Variants in PIEZO1 observed in about 807,000 individuals in gnomAD.
PIEZO1 encodes piezo-type mechanosensitive ion channel component 1.
PIEZO1 carries 296 observed loss-of-function variants against 297.2 expected under a neutral mutation model. That is an observed-to-expected ratio of 1.00 (90% CI 0.91 to 1.10). The LOEUF is 1.10. PIEZO1 is among the 50% of genes least tolerant of loss of function. PIEZO1 has a pLI of 0.00. For synonymous variants in PIEZO1, 2,427 were observed against 1,507.5 expected (o/e 1.61, Z -14.13); for missense variants, 5,018 against 3,455.5 (o/e 1.45, Z -11.34).
At chr16:88,761,224 C>T (rs1906919252) in intron 1 of PIEZO1, among the ~76,000 whole-genome samples, 1 of 152,248 alleles carries the variant, frequency 6.6e-6, no homozygotes, top group Non-Finnish European at 1.5e-5. Flanking sequence ...CTGCAGGCAT[C>T]AGCCCCTGGG....
intron 36 of PIEZO1, 40 bp downstream of exon 36, chr16:88,722,178 G>A (rs1374478359): frequency 7.2e-6 from 11 of 1,533,072 alleles, no homozygotes; most frequent in Admixed American, 2.0e-5. Context: ...GCTCCCCGAG[G>A]GCCATGGTGA....
Position 88,727,648 on chromosome 16 carries a change from G to C in PIEZO1, c.3210C>G (p.Arg1070=). 6.8e-7 allele frequency: 1 copy of C among 1,479,230 alleles called. No homozygotes were observed. The highest frequency in any genetic ancestry group is 9.1e-7 in the Non-Finnish European group (1 of 1,103,444). The allele number at this position is 1,479,230 out of a possible 1,614,324, so 91.6% of individuals were successfully genotyped here. ...PPALCIDYPW[R]WSRAVPMNSA... is the part of the protein sequence containing the mutation. ...AGTTCATGGGGACGGCCCGGCTCCA[G>C]CGCCAGGGATAATCTGGGGGAAGGG... The change falls in exon 23 of 51, where the codon CGC becomes CGG. Residue 1070 remains arginine (R), a synonymous_variant. Transcript: ENST00000301015.
In PIEZO1 at chr16:88,742,014, G is replaced by C. The variant is rs149605668; in HGVS notation, c.326+39C>G. 2.5e-4 allele frequency: 390 copies of C among 1,533,010 alleles called. 3 individuals are homozygous for C. The African/African-American group carries it at 4.7e-3, about 19-fold the overall frequency. The allele number at this position is 1,533,010 out of a possible 1,614,324, so 95.0% of individuals were successfully genotyped here. ...ACTTCCTGGGGCCTGAAATCCCCAA[G>C]GGAGGCTTGCTGGTTGGGGGTGGGA... On this transcript the variant is annotated intron_variant, in intron 4 of 50. Transcript: ENST00000301015.
chr16:88,752,892 TCA>T (rs1906461965), intron 1 of PIEZO1, among the ~76,000 whole-genome samples: 1 of 150,744 alleles, frequency 6.6e-6, no homozygotes, highest in East Asian at 2.0e-4. Context: ...ATTCATCCAT[TCA>T]TCCATTCATT....
Position 88,734,033 on chromosome 16 carries a change from G to A in PIEZO1, c.2202C>T (p.Thr734=), listed in dbSNP as rs781088727. ...CCTGCTGCTCCTCCCGCAGCAGTGG[G>A]GTCCCACTCACTGCATCCTGCCTGG... The part of the protein sequence containing the change: ...WAHRQDAVSG[T]PLLREEQQEH... Residue 734 remains threonine (T), a synonymous_variant, in exon 17 of 51, where the codon ACC becomes ACT. Transcript: ENST00000301015. The A allele has an allele frequency of 2.6e-6, 4 of 1,535,740 alleles. No homozygotes were observed. The highest frequency in any genetic ancestry group is 1.7e-4 in the Middle Eastern group (1 of 5,938).
intron 5 of PIEZO1, chr16:88,740,276 C>G (rs909643655): frequency 2.0e-5 from 3 of 152,264 alleles, no homozygotes; most frequent in Non-Finnish European, 2.9e-5. Context: ...GTGCCTGGTG[C>G]CCCCAGCTCA....
At chr16:88,722,713 A>G in intron 34 of PIEZO1, 24 bp from the exon 35 acceptor site, 3 of 1,533,236 alleles carry the variant, frequency 2.0e-6, no homozygotes, top group Non-Finnish European at 2.6e-6. Flanking sequence ...CAGGGGGCTC[A>G]GGGCTGCGTC....
intron 9 of PIEZO1, 33 bp downstream of exon 9, chr16:88,737,695 C>G (rs1277053775): frequency 2.6e-6 from 4 of 1,533,720 alleles, no homozygotes; most frequent in Admixed American, 3.9e-5. Context: ...GGGCGCCCCC[C>G]ACGCTGGCGT....
At chr16:88,768,474 G>A (rs961384839) in intron 1 of PIEZO1, among the ~76,000 whole-genome samples, 1 of 152,180 alleles carries the variant, frequency 6.6e-6, no homozygotes, top group African/African-American at 2.4e-5. Context: ...TGAGAAAGAC[G>A]GACACACTGC....
At chr16:88,759,400 G>A (rs962410793) in intron 1 of PIEZO1, among the ~76,000 whole-genome samples, 4 of 152,246 alleles carry the variant, frequency 2.6e-5, no homozygotes, top group East Asian at 1.9e-4. Flanking sequence ...GCTACAGGGA[G>A]CCGGGGTCCT....
chr16:88,723,175 G>C, intron 32 of PIEZO1, 24 bp from the exon 33 acceptor site: 1 of 1,549,414 alleles, frequency 6.5e-7, no homozygotes, highest in South Asian at 1.2e-5. Context: ...GCTGGTGAGT[G>C]ACTGGCAGTC....
intron 5 of PIEZO1, 130 bp downstream of exon 5, chr16:88,741,343 CCTCCT>C: frequency 2.4e-6 from 2 of 818,124 alleles, no homozygotes; most frequent in Non-Finnish European, 3.7e-6. Flanking sequence ...TTTGGAACTT[CCTCCT>C]CTCTTTAACA....
chr16:88,717,364 G>C (rs146445393), intron 44 of PIEZO1, 153 bp from the exon 45 acceptor site: 3 of 686,294 alleles, frequency 4.4e-6, no homozygotes, highest in Admixed American at 2.1e-5. Context: ...CAGGCCAGTG[G>C]AGTAGAACTA....
intron 1 of PIEZO1, among the ~76,000 whole-genome samples, chr16:88,768,827 C>T (rs963559256): frequency 1.3e-5 from 2 of 152,364 alleles, no homozygotes; most frequent in Middle Eastern, 6.8e-3. Context: ...CCAGCGACAC[C>T]GCGAGCTGCA....
intron 27 of PIEZO1, 141 bp from the exon 28 acceptor site, chr16:88,725,825 C>T: frequency 1.6e-6 from 1 of 625,330 alleles, no homozygotes. Context: ...ACGGGGGAGG[C>T]ATCTGCTGCC....
In PIEZO1 at chr16:88,722,566, G is replaced by A. The variant is rs1275626042; in HGVS notation, c.4775+17C>T. ...ACCAGGGGCAGCAGCTGGGGCTCGG[G>A]TCACCCCCGCACCTACCTGGACACG... On this transcript the variant is annotated intron_variant, in intron 35 of 50. Coordinates refer to ENST00000301015, the MANE Select transcript of PIEZO1 (RefSeq NM_001142864.4). The A allele has an allele frequency of 3.3e-5, 49 of 1,493,020 alleles. 1 individual carries two copies. The highest frequency in any genetic ancestry group is 2.1e-4 in the African/African-American group (15 of 71,304). 92.5% of individuals were successfully genotyped at this position (1,493,020 alleles called of 1,614,324 possible). A position where few individuals can be genotyped will look rare whatever the true frequency, so the allele number is the denominator to read the frequency against.
chr16:88,721,614 A>G lies in PIEZO1; in HGVS notation c.5327T>C (p.Leu1776Pro). 6.5e-7 allele frequency: 1 copy of G among 1,550,202 alleles called. No individual in the cohort carries two copies. The highest frequency in any genetic ancestry group is 8.7e-7 in the Non-Finnish European group (1 of 1,146,880). Residue 1776 changes from leucine (L) to proline (P), a missense_variant, in exon 38 of 51, where the codon CTG (leucine) becomes CCG (proline). Leu to Pro is a moderately conservative substitution (Grantham distance 98). Transcript: ENST00000301015. ...KPYFPPRILG[L>P]EKTDGYIKYD... ...CTTGATGTAGCCGTCAGTCTTCTCC[A>G]GGCCCAGGATGCGGGGCGGGAAGTA...
chr16:88,720,569 G>GCCACCCCC, intron 40 of PIEZO1, 37 bp from the exon 41 acceptor site: 1 of 1,216,668 alleles, frequency 8.2e-7, no homozygotes, highest in Non-Finnish European at 1.1e-6. Flanking sequence ...CCCAGTACCC[G>GCCACCCCC]CCTCCCCACC....
At position 88,722,974 on chromosome 16, in the gene PIEZO1, C is replaced by G; in HGVS notation, c.4531G>C (p.Ala1511Pro). 1 of 1,548,638 alleles carries G rather than the reference C, an allele frequency of 6.5e-7. No individual in the cohort carries two copies. The highest frequency in any genetic ancestry group is 8.7e-7 in the Non-Finnish European group (1 of 1,146,772). The change falls in exon 34 of 51, where the codon GCG (alanine) becomes CCG (proline). Residue 1511 changes from alanine (A) to proline (P), a missense_variant. Ala to Pro is a conservative substitution (Grantham distance 27). Coordinates refer to ENST00000301015, the MANE Select transcript of PIEZO1 (RefSeq NM_001142864.4). ...SHVVQRVLST[A>P]QFLWMLGQAL... Reference sequence around the variant, plus strand: ...TGCCCCAGCATCCACAGGAACTGCGCCGTGCTCAGCACCCTCTGCACCACA... The same window carrying G: ...TGCCCCAGCATCCACAGGAACTGCGGCGTGCTCAGCACCCTCTGCACCACA...
Sources: gnomAD v4.1 joint callset for allele counts (sites outside exome capture counted in the v4.1 genomes callset) on GRCh38, gnomAD v4.1.1 for gene constraint, MANE v1.5 for transcripts, NCBI Gene and HGNC (gene_info 2026-07-23, HGNC 2026-07-21) for gene names.